The following DTWD1 variants were observed in gnomAD, a reference collection of about 807,000 sequenced individuals.
The protein encoded by DTWD1 is tRNA-uridine aminocarboxypropyltransferase 1.
DTWD1 carries 27 observed loss-of-function variants against 30.2 expected under a neutral mutation model. The observed-to-expected ratio is 0.90, with a 90% CI of 0.66 to 1.23. The LOEUF (loss-of-function observed/expected upper bound fraction) is 1.23. Among genes scored for constraint, DTWD1 ranks in the 50% most tolerant of loss-of-function variants. The probability of loss-of-function intolerance (pLI) is 0.00; values close to 1 mark genes in which losing one functional copy is unlikely to be tolerated. For synonymous variants in DTWD1, 99 were observed against 113.1 expected, an observed-to-expected ratio of 0.88 and a Z score of 0.79; for missense variants, 342 against 348.8, an observed-to-expected ratio of 0.98 and a Z score of 0.15.
In DTWD1 at chr15:49,625,348, TGTG is replaced by T. The variant is rs2078827725; in HGVS notation, c.187_189del (p.Gly63del). The stretch of plus-strand genomic sequence containing the variant: ...AAGTGGGAGATCAAAATGTCTCAAA[TGTG>T]GTGGTTCCAGAATGTTCTACTGCTA... On this transcript the variant is annotated inframe_deletion, in exon 2 of 5. Coordinates refer to ENST00000403028, the MANE Select transcript of DTWD1 (RefSeq NM_001144955.2). 6.2e-7 allele frequency: 1 copy of T among 1,613,736 alleles called. No homozygotes were observed. The highest frequency in any genetic ancestry group is 8.5e-7 in the Non-Finnish European group (1 of 1,179,790).
At chr15:49,639,352 G>A (rs1167996188) in intron 4 of DTWD1, among the ~76,000 whole-genome samples, 4 of 152,118 alleles carry the variant, frequency 2.6e-5, no homozygotes, top group African/African-American at 9.7e-5. Flanking sequence ...CTTGAACACA[G>A]GAGTTCTAGA....
rs748395278 is a variant in DTWD1, at chr15:49,634,662, A to G, written c.535A>G (p.Lys179Glu). 4 of 1,613,718 alleles carry G rather than the reference A, an allele frequency of 2.5e-6. No individual in the cohort carries two copies. The highest frequency in any genetic ancestry group is 2.5e-6 in the Non-Finnish European group (3 of 1,179,846). ...DDPDKPSFKR[K>E]RTEEQEFCDL... is the part of the protein sequence containing the mutation. ...CCCTGACAAGCCATCTTTTAAACGC[A>G]AAAGAACTGAAGAACAAGAGTTCTG... Residue 179 changes from lysine to glutamate, a missense_variant, in exon 4 of 5, where the codon AAA becomes GAA. Coordinates refer to ENST00000403028, the MANE Select transcript of DTWD1 (RefSeq NM_001144955.2).
rs1326299597 is a variant in DTWD1 at position 49,654,260 on chromosome 15, C to T, written c.*10682C>T. The T allele has an allele frequency of 1.3e-5, 2 of 152,034 alleles. No homozygotes were observed. The highest frequency in any genetic ancestry group is 2.9e-5 in the Non-Finnish European group (2 of 68,000). The allele number at this position is 152,034 out of a possible 1,614,324, so 9.4% of individuals were successfully genotyped here. ...AGACTCTTAGGGTACAGAGTAAGTA[C>T]ATTTTTGCATGTTAGTGAGACAAGA... On this transcript the variant is annotated 3_prime_UTR_variant, in exon 5 of 5. Transcript: ENST00000403028.
chr15:49,636,432 A>G (rs546346317), intron 4 of DTWD1, among the ~76,000 whole-genome samples: 9 of 152,292 alleles, frequency 5.9e-5, no homozygotes, highest in South Asian at 2.1e-4. Flanking sequence ...TCCATATTCA[A>G]ATTTCCCTAA....
intron 2 of DTWD1, among the ~76,000 whole-genome samples, chr15:49,631,667 G>A (rs73406060): frequency 0.06 from 9,090 of 152,058 alleles, 710 homozygotes; most frequent in African/African-American, 0.18. Flanking sequence ...TGGGAGGCTG[G>A]GGCAGAATTG....
In DTWD1 at chr15:49,652,853, C is replaced by G. The variant is rs546133588; in HGVS notation, c.*9275C>G. 6.6e-6 allele frequency: 1 copy of G among 152,146 alleles called. No homozygotes were observed. The highest frequency in any genetic ancestry group is 2.4e-5 in the African/African-American group (1 of 41,438). 9.4% of individuals were successfully genotyped at this position (152,146 alleles called of 1,614,324 possible). ...AGTTGCAAGGAATGAGGTCAGCAGC[C>G]TCCAACTGTCAGCTCCTTCAGAGTC... On this transcript the variant is annotated 3_prime_UTR_variant, in exon 5 of 5. Coordinates refer to ENST00000403028, the MANE Select transcript of DTWD1 (RefSeq NM_001144955.2).
intron 4 of DTWD1, among the ~76,000 whole-genome samples, chr15:49,641,529 A>C (rs772655489): frequency 4.6e-5 from 7 of 152,088 alleles, no homozygotes; most frequent in Non-Finnish European, 8.8e-5. Flanking sequence ...TACAGGCAAC[A>C]TTTATCTGGA....
intron 4 of DTWD1, among the ~76,000 whole-genome samples, chr15:49,635,587 G>C (rs2078990788): frequency 6.6e-6 from 1 of 151,906 alleles, no homozygotes; most frequent in Non-Finnish European, 1.5e-5. Flanking sequence ...CTGCCTCCTG[G>C]GGTCAGGCGA....
intron 1 of DTWD1, among the ~76,000 whole-genome samples, chr15:49,624,793 A>G (rs1366629945): frequency 6.6e-6 from 1 of 152,228 alleles, no homozygotes; most frequent in Non-Finnish European, 1.5e-5. Flanking sequence ...CAGAGCCAAC[A>G]GGGTTGAATA....
rs1224806265 is a variant in DTWD1 at position 49,639,578 on chromosome 15, GATTTTTACTATA to G, written c.668-3747_668-3736del. ...TCCCACCTCAAGAAAAAATGTTTACGATTTTTACTATAATTTTATTATAAAGTTACTGATTGT... is the reference window on the plus strand; with the variant it reads ...TCCCACCTCAAGAAAAAATGTTTACGATTTTATTATAAAGTTACTGATTGT... On this transcript the variant is annotated intron_variant, in intron 4 of 4. Transcript: ENST00000403028. Among the ~76,000 whole-genome samples, 73 of 152,024 alleles carry G rather than the reference GATTTTTACTATA, an allele frequency of 4.8e-4. 1 individual carries two copies. Among genetic ancestry groups the G allele is most frequent in the Admixed American group, 4.8e-3 (73 of 15,232 alleles).
Position 49,647,847 on chromosome 15 carries a change from A to G in DTWD1, c.*4269A>G, listed in dbSNP as rs1369153002. On this transcript the variant is annotated 3_prime_UTR_variant, in exon 5 of 5. Coordinates refer to ENST00000403028, the MANE Select transcript of DTWD1 (RefSeq NM_001144955.2). ...CAAAATAAGAGTATATTATATTCACAAAACAAGAATAGGAGAGTGTGAAAA... is the reference window on the plus strand; with the variant it reads ...CAAAATAAGAGTATATTATATTCACGAAACAAGAATAGGAGAGTGTGAAAA... The G allele has an allele frequency of 1.3e-5, 2 of 152,162 alleles. No individual in the cohort carries two copies. Among genetic ancestry groups the G allele is most frequent in the East Asian group, 3.9e-4 (2 of 5,192 alleles). The allele number at this position is 152,162 out of a possible 1,614,324, so 9.4% of individuals were successfully genotyped here. A position where few individuals can be genotyped will look rare whatever the true frequency, so the allele number is the denominator to read the frequency against.
intron 1 of DTWD1, chr15:49,623,554 T>A (rs556468417): frequency 6.6e-6 from 1 of 152,152 alleles, no homozygotes; most frequent in Admixed American, 6.5e-5. Flanking sequence ...TGAGCCACCA[T>A]GCGTGGCCCT....
Position 49,653,491 on chromosome 15 carries a change from G to A in DTWD1, c.*9913G>A, listed in dbSNP as rs2079163962. 1.3e-5 allele frequency: 2 copies of A among 152,108 alleles called. No homozygotes were observed. Among genetic ancestry groups the A allele is most frequent in the South Asian group, 4.1e-4 (2 of 4,830 alleles). 9.4% of individuals were successfully genotyped at this position (152,108 alleles called of 1,614,324 possible). On this transcript the variant is annotated 3_prime_UTR_variant, in exon 5 of 5. Transcript: ENST00000403028. ...CTACAGAACTATATAAGAATAAATT[G>A]TGTTGCTTAAGCACACTATAATACA...
At chr15:49,623,881 A>G (rs1398514472) in intron 1 of DTWD1, 11 of 152,158 alleles carry the variant, frequency 7.2e-5, no homozygotes, top group Admixed American at 7.2e-4. Flanking sequence ...GTTCTTAAAT[A>G]CTGCTTTCTT....
At position 49,625,117 on chromosome 15, in the gene DTWD1, C is replaced by T. The variant is rs750234894; in HGVS notation, c.-51C>T. 1 of 1,552,846 alleles carries T rather than the reference C, an allele frequency of 6.4e-7. No homozygotes were observed. Among genetic ancestry groups the T allele is most frequent in the South Asian group, 1.2e-5 (1 of 85,452 alleles). On this transcript the variant is annotated 5_prime_UTR_variant, in exon 2 of 5. Coordinates refer to ENST00000403028, the MANE Select transcript of DTWD1 (RefSeq NM_001144955.2). ...CTTGATACTTTTTTTTTACAGTGCA[C>T]CTATGATATGTGTTTTAGAAATAGC...
At chr15:49,630,822 A>G in intron 2 of DTWD1, 1 of 182,030 alleles carries the variant, frequency 5.5e-6, no homozygotes, top group Non-Finnish European at 1.2e-5. Flanking sequence ...CTGTATTTAC[A>G]GCCGCTCCCC....
chr15:49,642,147 A>G (rs1370097136), intron 4 of DTWD1, among the ~76,000 whole-genome samples: 2 of 151,998 alleles, frequency 1.3e-5, no homozygotes, highest in African/African-American at 4.8e-5. Context: ...TTTTACATTG[A>G]GTAAAAGTGG....
At chr15:49,639,781 G>C (rs1361492450) in intron 4 of DTWD1, among the ~76,000 whole-genome samples, 2 of 152,118 alleles carry the variant, frequency 1.3e-5, no homozygotes, top group African/African-American at 4.8e-5. Flanking sequence ...TTTATCCATA[G>C]TGCTGTGGCA....
rs2079162791 is a variant in DTWD1 at position 49,653,299 on chromosome 15, A to C, written c.*9721A>C. The C allele has an allele frequency of 6.6e-6, 1 of 152,144 alleles. No homozygotes were observed. The highest frequency in any genetic ancestry group is 2.4e-5 in the African/African-American group (1 of 41,448). 9.4% of individuals were successfully genotyped at this position (152,144 alleles called of 1,614,324 possible). On this transcript the variant is annotated 3_prime_UTR_variant, in exon 5 of 5. Coordinates refer to ENST00000403028, the MANE Select transcript of DTWD1 (RefSeq NM_001144955.2). ...GAATGATGTGAAATGAGAAGAACTC[A>C]ACCTGCTATTGTTGGCTTTACAGGT...
Sources: gnomAD v4.1 joint callset for allele counts (sites outside exome capture counted in the v4.1 genomes callset) on GRCh38, gnomAD v4.1.1 for gene constraint, MANE v1.5 for transcripts, NCBI Gene and HGNC (gene_info 2026-07-23, HGNC 2026-07-21) for gene names.